The following SCMH1 variants were observed in gnomAD, a reference collection of about 807,000 sequenced individuals.
SCMH1 encodes Scm polycomb group protein homolog 1.
SCMH1 carries 37 observed loss-of-function variants against 70.8 expected under a neutral mutation model. The observed-to-expected ratio is 0.52, with a 90% CI of 0.40 to 0.69. The LOEUF (loss-of-function observed/expected upper bound fraction) is 0.69, where lower values mean the gene tolerates loss of function less well. Among genes scored for constraint, SCMH1 ranks in the 30% least tolerant of loss-of-function variants. The probability of loss-of-function intolerance (pLI) is 0.00; values close to 1 mark genes in which losing one functional copy is unlikely to be tolerated. For synonymous variants in SCMH1, 292 were observed against 307.4 expected (o/e 0.95, Z 0.52); for missense variants, 607 against 827.3 (o/e 0.73, Z 3.27).
intron 2 of SCMH1, among the ~76,000 whole-genome samples, chr1:41,181,893 T>C (rs915619387): frequency 6.6e-6 from 1 of 152,186 alleles, no homozygotes; most frequent in African/African-American, 2.4e-5. Flanking sequence ...TAAAGACACA[T>C]GCACACGTAT....
At chr1:41,112,211 G>A (rs1669416883) in intron 8 of SCMH1, among the ~76,000 whole-genome samples, 1 of 152,140 alleles carries the variant, frequency 6.6e-6, no homozygotes, top group Non-Finnish European at 1.5e-5. Flanking sequence ...GCACAGCAAT[G>A]TTGTTCATTT....
chr1:41,041,535 A>T (rs933803903), intron 12 of SCMH1: 45 of 152,186 alleles, frequency 3.0e-4, no homozygotes, highest in African/African-American at 9.9e-4. Context: ...TGACACCTTG[A>T]AGTTTAAGCT....
At chr1:41,048,801 G>A (rs1249299598) in exon 11 of SCMH1, 3 of 1,614,174 alleles carry the variant, frequency 1.9e-6, no homozygotes, top group East Asian at 2.2e-5. Flanking sequence ...ACAGAGGCAC[G>A]GGCTGGTCCA....
chr1:41,177,270 T>G (rs1647233512), intron 2 of SCMH1, among the ~76,000 whole-genome samples: 1 of 151,970 alleles, frequency 6.6e-6, no homozygotes, highest in Non-Finnish European at 1.5e-5. Context: ...TAAAGGTAGA[T>G]AAAACCACAA....
intron 5 of SCMH1, among the ~76,000 whole-genome samples, chr1:41,146,644 T>C (rs551732992): frequency 2.0e-5 from 3 of 152,336 alleles, no homozygotes; most frequent in South Asian, 4.1e-4. Context: ...AGTAATATGC[T>C]GGACAGTTTT....
chr1:41,198,267 T>C (rs1322612068), intron 1 of SCMH1, among the ~76,000 whole-genome samples: 2 of 152,182 alleles, frequency 1.3e-5, no homozygotes, highest in Admixed American at 6.5e-5. Context: ...CACAGTTCTC[T>C]GGGGTTTAGA....
intron 4 of SCMH1, among the ~76,000 whole-genome samples, chr1:41,157,221 A>T (rs1292683121): frequency 6.6e-6 from 1 of 152,124 alleles, no homozygotes; most frequent in African/African-American, 2.4e-5. Context: ...TATTTGCTAA[A>T]ACTGTGTTTT....
intron 1 of SCMH1, among the ~76,000 whole-genome samples, chr1:41,205,496 C>CT (rs1285837319): frequency 6.6e-6 from 1 of 152,200 alleles, no homozygotes; most frequent in Non-Finnish European, 1.5e-5. Context: ...GCTCTGAAGG[C>CT]TGTGAGACCC....
At chr1:41,149,241 C>G (rs1463697504) in intron 5 of SCMH1, among the ~76,000 whole-genome samples, 1 of 152,090 alleles carries the variant, frequency 6.6e-6, no homozygotes, top group Non-Finnish European at 1.5e-5. Context: ...TCCTTTTTCT[C>G]TTTGTGTTTC....
intron 1 of SCMH1, among the ~76,000 whole-genome samples, chr1:41,238,774 G>A (rs1397160980): frequency 6.6e-6 from 1 of 152,144 alleles, no homozygotes; most frequent in South Asian, 2.1e-4. Flanking sequence ...ACTTAACTCC[G>A]ATATTCCACT....
At chr1:41,186,756 T>C (rs1420794182) in intron 1 of SCMH1, among the ~76,000 whole-genome samples, 1 of 152,204 alleles carries the variant, frequency 6.6e-6, no homozygotes, top group African/African-American at 2.4e-5. Context: ...AGATATCTCT[T>C]TCTCTCACAT....
intron 3 of SCMH1, 144 bp downstream of exon 3, chr1:41,161,220 A>G: frequency 7.6e-7 from 1 of 1,315,000 alleles, no homozygotes; most frequent in East Asian, 2.5e-5. Context: ...ATTGCTTATG[A>G]CCAATACCTC....
chr1:41,155,103 A>G (rs1645401137), intron 4 of SCMH1, among the ~76,000 whole-genome samples: 1 of 152,236 alleles, frequency 6.6e-6, no homozygotes, highest in Non-Finnish European at 1.5e-5. Flanking sequence ...GATGAGAAAA[A>G]GCCATCTCAT....
At chr1:41,179,908 CA>C (rs1423658444) in intron 2 of SCMH1, among the ~76,000 whole-genome samples, 1 of 151,922 alleles carries the variant, frequency 6.6e-6, no homozygotes, top group Non-Finnish European at 1.5e-5. Flanking sequence ...AGAGACACAA[CA>C]AAAAAAGAGA....
At chr1:41,219,576 C>G (rs974759994) in intron 1 of SCMH1, among the ~76,000 whole-genome samples, 2 of 152,174 alleles carry the variant, frequency 1.3e-5, no homozygotes, top group Admixed American at 6.5e-5. Context: ...AAACAGAATA[C>G]CATAATTGAA....
chr1:41,234,687 G>C lies in SCMH1; in HGVS notation c.-118+7372C>G, dbSNP rs575176272. 4.6e-5 allele frequency among the ~76,000 whole-genome samples: 7 copies of C among 151,800 alleles called. No individual in the cohort carries two copies. The East Asian group carries it at 1.4e-3, about 29-fold the overall frequency. On this transcript the variant is annotated intron_variant, in intron 1 of 14. Transcript: ENST00000337495. ...GACGGGGTTTCACCGTGTTAACCAGGATGGTCTCGATCTCCTGACCTCATG... is the reference window on the plus strand; with the variant it reads ...GACGGGGTTTCACCGTGTTAACCAGCATGGTCTCGATCTCCTGACCTCATG...
chr1:41,230,573 C>G (rs1472739896), intron 1 of SCMH1, among the ~76,000 whole-genome samples: 1 of 151,832 alleles, frequency 6.6e-6, no homozygotes, highest in Non-Finnish European at 1.5e-5. Context: ...GAAGAGGATC[C>G]CCTGAGCCCA....
chr1:41,035,386 G>A (rs16827835), intron 13 of SCMH1, among the ~76,000 whole-genome samples: 3,138 of 152,246 alleles, frequency 0.021, 108 homozygotes, highest in African/African-American at 0.072. Flanking sequence ...AATCACAGAA[G>A]AAAACCATAG....
chr1:41,099,748 T>C (rs1273624192), intron 8 of SCMH1, among the ~76,000 whole-genome samples: 1 of 152,234 alleles, frequency 6.6e-6, no homozygotes, highest in African/African-American at 2.4e-5. Context: ...TCAACCTTTC[T>C]GAGCCCGTTT....
Sources: gnomAD v4.1 joint callset for allele counts (sites outside exome capture counted in the v4.1 genomes callset) on GRCh38, gnomAD v4.1.1 for gene constraint, MANE v1.5 for transcripts, NCBI Gene and HGNC (gene_info 2026-07-23, HGNC 2026-07-21) for gene names.